The following WDFY3 variants were observed in gnomAD, a reference collection of about 807,000 sequenced individuals.
WDFY3 encodes WD repeat and FYVE domain containing 3, also known as WD repeat and FYVE domain-containing protein 3.
Under a neutral mutation model 409.6 loss-of-function variants are expected in WDFY3, and 66 were observed. The ratio of observed to expected loss-of-function variants is 0.16; its 90% CI spans 0.13 to 0.20. The LOEUF (loss-of-function observed/expected upper bound fraction) is 0.20, where lower values mean the gene tolerates loss of function less well. WDFY3 is among the 10% of genes least tolerant of loss of function. WDFY3 has a pLI of 1.00. For synonymous variants in WDFY3, 1,521 were observed against 1,537.1 expected, an observed-to-expected ratio of 0.99 and a Z score of 0.25; for missense variants, 3,031 against 4,298.1, an observed-to-expected ratio of 0.71 and a Z score of 8.24.
chr4:84,702,340 T>C lies in WDFY3; in HGVS notation c.8596+13A>G, dbSNP rs755820833. The stretch of plus-strand genomic sequence containing the variant: ...GGCTAACATTCCTAAGACAGTGCCA[T>C]AGCTCTACGTACCTAGATCAAAGTT... On this transcript the variant is annotated intron_variant, in intron 56 of 67. Transcript: ENST00000295888. The C allele has an allele frequency of 3.8e-6, 6 of 1,592,538 alleles. No homozygotes were observed. The African/African-American group carries it at 4.0e-5, about 11-fold the overall frequency.
rs767472564 is a variant in WDFY3, at chr4:84,709,311, A to C, written c.8079T>G (p.Ser2693=). 2.1e-5 allele frequency: 34 copies of C among 1,611,732 alleles called. No homozygotes were observed. Among genetic ancestry groups the C allele is most frequent in the Non-Finnish European group, 2.9e-5 (34 of 1,179,326 alleles). Residue 2693 remains serine (S), a synonymous_variant, in exon 52 of 68, where the codon TCT becomes TCG. Transcript: ENST00000295888. ...GLLSTLVGEK[S]VTQRWERGEI... ...AACTTACCTCCCATCTCTGAGTCAC[A>C]GACTTCTCTCCAACCAAAGTGCTAA... is the stretch of plus-strand genomic sequence containing the variant.
At chr4:84,794,786 T>A in intron 20 of WDFY3, 49 bp from the exon 21 acceptor site, 1 of 1,525,958 alleles carries the variant, frequency 6.6e-7, no homozygotes, top group Non-Finnish European at 8.8e-7. Context: ...ATATTTATAT[T>A]TTTTAAAAGA....
In WDFY3 at chr4:84,862,657, C is replaced by T. The variant is rs1760803192; in HGVS notation, c.-31-2035G>A. On this transcript the variant is annotated intron_variant, in intron 3 of 67. Coordinates refer to ENST00000295888, the MANE Select transcript of WDFY3 (RefSeq NM_014991.6). ...GATAATCTAGAGATAGTGGATAGGACTTAGGGGATTCATGATACTCCAACA... is the reference window on the plus strand; with the variant it reads ...GATAATCTAGAGATAGTGGATAGGATTTAGGGGATTCATGATACTCCAACA... Among the ~76,000 whole-genome samples the T allele has an allele frequency of 2.0e-5, 3 of 152,094 alleles. No homozygotes were observed. In the South Asian group the frequency reaches 6.2e-4, roughly 32 times the overall value.
intron 2 of WDFY3, among the ~76,000 whole-genome samples, chr4:84,921,288 T>G (rs987714453): frequency 6.6e-6 from 1 of 151,232 alleles, no homozygotes; most frequent in Non-Finnish European, 1.5e-5. Context: ...GAAGGAAAGG[T>G]AATTAAAAGC....
chr4:84,955,179 G>A (rs1344195717), intron 1 of WDFY3, among the ~76,000 whole-genome samples: 1 of 151,664 alleles, frequency 6.6e-6, no homozygotes, highest in East Asian at 1.9e-4. Flanking sequence ...CTCCAGCCTG[G>A]GCGACAGAAC....
chr4:84,860,709 G>T, intron 3 of WDFY3, 87 bp from the exon 4 acceptor site: 2 of 1,165,958 alleles, frequency 1.7e-6, no homozygotes, highest in Non-Finnish European at 2.2e-6. Context: ...TAAGAAATTT[G>T]CAAAATAGAA....
intron 3 of WDFY3, among the ~76,000 whole-genome samples, chr4:84,886,969 C>T (rs1315480111): frequency 6.6e-6 from 1 of 152,038 alleles, no homozygotes; most frequent in Non-Finnish European, 1.5e-5. Flanking sequence ...AGAATGATCA[C>T]TTTTACACTA....
chr4:84,766,187 T>C, intron 31 of WDFY3, 65 bp downstream of exon 31: 1 of 1,517,060 alleles, frequency 6.6e-7, no homozygotes, highest in Non-Finnish European at 8.9e-7. Context: ...ATTCCTTCTT[T>C]TGCCTAACAT....
In WDFY3 at chr4:84,823,154, G is replaced by A. The variant is rs368211020; in HGVS notation, c.1124-1603C>T. 4.6e-4 allele frequency among the ~76,000 whole-genome samples: 70 copies of A among 152,170 alleles called. No homozygotes were observed. In the East Asian group the frequency reaches 0.013, roughly 29 times the overall value. Reference sequence around the variant, plus strand: ...GTATTGGCTTAAGGACAGGTACATGGATCAATCAAACAAAATTCAGAAAGT... The same window carrying A: ...GTATTGGCTTAAGGACAGGTACATGAATCAATCAAACAAAATTCAGAAAGT... On this transcript the variant is annotated intron_variant, in intron 10 of 67. Transcript: ENST00000295888.
In WDFY3 at chr4:84,875,263, A is replaced by AACACACACACACACAC. The variant is rs58589086; in HGVS notation, c.-31-14657_-31-14642dup. Among the ~76,000 whole-genome samples, 8 of 137,578 alleles carry AACACACACACACACAC rather than the reference A, an allele frequency of 5.8e-5. No homozygotes were observed. In the East Asian group the frequency reaches 6.5e-4, roughly 11 times the overall value. The allele number at this position is 137,578 out of a possible 152,430, so 90.3% of individuals were successfully genotyped here. A position where few individuals can be genotyped will look rare whatever the true frequency, so the allele number is the denominator to read the frequency against. On this transcript the variant is annotated intron_variant, in intron 3 of 67. Transcript: ENST00000295888. ...AGCCTGGGGTACCGAGCAAGACTCA[A>AACACACACACACACAC]ACACACACACACACACACACACACA...
At chr4:84,732,544 T>C (rs1035096566) in intron 44 of WDFY3, among the ~76,000 whole-genome samples, 4 of 152,180 alleles carry the variant, frequency 2.6e-5, no homozygotes, top group African/African-American at 4.8e-5. Context: ...CCCTCACTTC[T>C]TGGCCTCTGG....
chr4:84,890,952 T>C lies in WDFY3; in HGVS notation c.-32+5959A>G, dbSNP rs1049511991. Among the ~76,000 whole-genome samples the C allele has an allele frequency of 5.9e-5, 9 of 152,206 alleles. No homozygotes were observed. The East Asian group carries it at 7.7e-4, about 13-fold the overall frequency. ...CTACAGGTGCCTACCACTGTGCCCA[T>C]TGTGAATTTATTAATTTTAAGTGCC... On this transcript the variant is annotated intron_variant, in intron 3 of 67. Transcript: ENST00000295888.
At chr4:84,815,068 A>C (rs753862605) in intron 13 of WDFY3, among the ~76,000 whole-genome samples, 4 of 152,138 alleles carry the variant, frequency 2.6e-5, no homozygotes, top group Non-Finnish European at 5.9e-5. Flanking sequence ...GGTCTGTCCT[A>C]GTTAAGAACT....
chr4:84,766,627 C>T (rs984140260), intron 30 of WDFY3, among the ~76,000 whole-genome samples: 14 of 152,134 alleles, frequency 9.2e-5, no homozygotes, highest in African/African-American at 1.7e-4. Context: ...CATTAATATT[C>T]CCCTTGCCTT....
intron 3 of WDFY3, among the ~76,000 whole-genome samples, chr4:84,893,449 C>T (rs1305941316): frequency 3.9e-5 from 6 of 152,140 alleles, no homozygotes; most frequent in Non-Finnish European, 5.9e-5. Context: ...AAGATTTCTT[C>T]CCTATTCTTT....
chr4:84,964,547 A>G (rs1221770161), intron 1 of WDFY3, among the ~76,000 whole-genome samples: 1 of 152,262 alleles, frequency 6.6e-6, no homozygotes, highest in African/African-American at 2.4e-5. Flanking sequence ...GTGGAATTTA[A>G]GAATCTCTTC....
chr4:84,737,515 C>T (rs998513043), intron 40 of WDFY3, 149 bp from the exon 41 acceptor site: 15 of 915,564 alleles, frequency 1.6e-5, no homozygotes, highest in African/African-American at 5.2e-5. Flanking sequence ...TTGTATCTAG[C>T]CCAGTGAAAA....
chr4:84,814,340 C>G (rs1752957735), intron 13 of WDFY3, among the ~76,000 whole-genome samples: 1 of 152,184 alleles, frequency 6.6e-6, no homozygotes, highest in Non-Finnish European at 1.5e-5. Context: ...TCCTTTATGT[C>G]ATCATTTCTC....
intron 36 of WDFY3, among the ~76,000 whole-genome samples, chr4:84,749,066 T>C (rs2149280021): frequency 1.3e-5 from 2 of 152,146 alleles, no homozygotes; most frequent in South Asian, 4.2e-4. Flanking sequence ...GCTAATTTTT[T>C]TGTAAAGATG....
Sources: allele counts gnomAD v4.1 joint callset (sites outside exome capture counted in the v4.1 genomes callset), GRCh38; gene constraint gnomAD v4.1.1; transcripts MANE v1.5; gene names NCBI Gene and HGNC (gene_info 2026-07-23, HGNC 2026-07-21).